The following NRXN3 variants were observed in gnomAD, a reference collection of about 807,000 sequenced individuals.
The protein encoded by NRXN3 is neurexin 3, also known as neurexin III.
A neutral mutation model predicts 137.6 loss-of-function variants in NRXN3; 32 were observed. That is an observed-to-expected ratio of 0.23 (90% CI 0.18 to 0.31). The LOEUF is 0.31. NRXN3 is among the 10% of genes least tolerant of loss of function. The pLI is 1.00. For synonymous variants in NRXN3, 798 were observed against 784.5 expected, an observed-to-expected ratio of 1.02 and a Z score of -0.29; for missense variants, 1,574 against 2,062.5, an observed-to-expected ratio of 0.76 and a Z score of 4.59.
chr14:79,106,706 A>C (rs1262286705), intron 15 of NRXN3, among the ~76,000 whole-genome samples: 1 of 152,114 alleles, frequency 6.6e-6, no homozygotes, highest in East Asian at 1.9e-4. Flanking sequence ...TATAAATTTT[A>C]CCATAATTGA....
At chr14:79,765,398 T>C (rs1292456133) in intron 19 of NRXN3, among the ~76,000 whole-genome samples, 25 of 152,220 alleles carry the variant, frequency 1.6e-4, no homozygotes, top group Admixed American at 1.6e-3. Flanking sequence ...TTCTTTTCTT[T>C]TTCTACTCTT....
At chr14:79,525,315 C>T (rs1185057122) in intron 16 of NRXN3, among the ~76,000 whole-genome samples, 1 of 152,136 alleles carries the variant, frequency 6.6e-6, no homozygotes, top group African/African-American at 2.4e-5. Flanking sequence ...ATTTATACAT[C>T]CATTTAATTA....
intron 14 of NRXN3, among the ~76,000 whole-genome samples, chr14:78,982,173 T>C (rs1394943343): frequency 6.6e-6 from 1 of 152,186 alleles, no homozygotes; most frequent in Non-Finnish European, 1.5e-5. Context: ...ATTGGTAAAT[T>C]CTAGGGATAA....
chr14:78,312,011 T>G (rs1041164534), intron 4 of NRXN3, among the ~76,000 whole-genome samples: 14 of 152,252 alleles, frequency 9.2e-5, no homozygotes, highest in African/African-American at 3.1e-4. Flanking sequence ...CAATCGGGAC[T>G]TAGAACAGAC....
intron 15 of NRXN3, among the ~76,000 whole-genome samples, chr14:79,290,949 A>G (rs962477743): frequency 1.6e-4 from 25 of 152,318 alleles, no homozygotes; most frequent in African/African-American, 6.0e-4. Context: ...CCACTTTCTG[A>G]TACATTTAAA....
intron 10 of NRXN3, among the ~76,000 whole-genome samples, chr14:78,877,862 A>G (rs2099117522): frequency 6.6e-6 from 1 of 152,176 alleles, no homozygotes. Context: ...ACTATGTTGG[A>G]TTCGAGGAAT....
At chr14:78,384,034 C>G (rs906033235) in intron 4 of NRXN3, among the ~76,000 whole-genome samples, 1 of 152,116 alleles carries the variant, frequency 6.6e-6, no homozygotes, top group East Asian at 1.9e-4. Context: ...TTCTCATATA[C>G]AGTCTATGTA....
intron 4 of NRXN3, among the ~76,000 whole-genome samples, chr14:78,470,272 G>C (rs911838464): frequency 6.6e-6 from 1 of 152,148 alleles, no homozygotes; most frequent in Non-Finnish European, 1.5e-5. Context: ...CTTGTGAAAA[G>C]GACATATTTA....
At position 79,863,145 on chromosome 14, in the gene NRXN3, G is replaced by C. The variant is rs963490639; in HGVS notation, c.*1181G>C. 2.6e-5 allele frequency: 4 copies of C among 152,358 alleles called. No homozygotes were observed. The highest frequency in any genetic ancestry group is 4.4e-5 in the Non-Finnish European group (3 of 67,992). 9.4% of individuals were successfully genotyped at this position (152,358 alleles called of 1,614,324 possible). Reference sequence around the variant, plus strand: ...GTACAAAACACATAGTTCTTTCCCCGCCCCGAATGTGACAATGGTTTTCAT... The same window carrying C: ...GTACAAAACACATAGTTCTTTCCCCCCCCCGAATGTGACAATGGTTTTCAT... On this transcript the variant is annotated 3_prime_UTR_variant, in exon 21 of 21. Transcript: ENST00000335750.
rs371198154 is a variant in NRXN3, at chr14:79,786,439, C to T, written c.4015-18673C>T. 7.9e-5 allele frequency among the ~76,000 whole-genome samples: 12 copies of T among 152,310 alleles called. No homozygotes were observed. The East Asian group carries it at 2.3e-3, about 29-fold the overall frequency. On this transcript the variant is annotated intron_variant, in intron 19 of 20. Coordinates refer to ENST00000335750, the MANE Select transcript of NRXN3 (RefSeq NM_001330195.2). ...CCTATGTGTGCCGAGCAATTGGAAG[C>T]ATATTAAAACTGTTTTATGTGTAAG...
rs138606470 is a variant in NRXN3, at chr14:79,690,066, C to T, written c.3617-2107C>T. Among the ~76,000 whole-genome samples the T allele has an allele frequency of 7.2e-3, 1,100 of 152,252 alleles. 10 individuals are homozygous for T. Among genetic ancestry groups the T allele is most frequent in the Middle Eastern group, 0.024 (7 of 294 alleles). On this transcript the variant is annotated intron_variant, in intron 17 of 20. Transcript: ENST00000335750. ...ACAGAAAACCCAAAGTAATAGAATA[C>T]ATTCAAGGCAGATCTGGCGCAAGCC...
At chr14:79,331,437 C>T (rs2091667846) in intron 15 of NRXN3, among the ~76,000 whole-genome samples, 1 of 152,134 alleles carries the variant, frequency 6.6e-6, no homozygotes, top group Non-Finnish European at 1.5e-5. Context: ...AGTTCAGAGG[C>T]CCTGACTGTT....
At chr14:78,580,536 T>G (rs553976233) in intron 4 of NRXN3, among the ~76,000 whole-genome samples, 89 of 152,298 alleles carry the variant, frequency 5.8e-4, no homozygotes, top group African/African-American at 2.1e-3. Flanking sequence ...CCTCCCTCTC[T>G]CCATCACCAT....
At chr14:79,178,096 A>T (rs1241348412) in intron 15 of NRXN3, among the ~76,000 whole-genome samples, 1 of 152,164 alleles carries the variant, frequency 6.6e-6, no homozygotes, top group Non-Finnish European at 1.5e-5. Context: ...CATAGGCATC[A>T]CTGGGTGGGC....
Position 79,079,075 on chromosome 14 carries a change from T to C in NRXN3, c.3262+90934T>C, listed in dbSNP as rs1024718391. Among the ~76,000 whole-genome samples the C allele has an allele frequency of 2.0e-5, 3 of 152,194 alleles. No individual in the cohort carries two copies. The East Asian group carries it at 5.8e-4, about 29-fold the overall frequency. Reference sequence around the variant, plus strand: ...TCTCCAGCTCCTCAGGAGGCAACTCTGCTACTGCAGAACAAAGATCATTCT... The same window carrying C: ...TCTCCAGCTCCTCAGGAGGCAACTCCGCTACTGCAGAACAAAGATCATTCT... On this transcript the variant is annotated intron_variant, in intron 15 of 20. Coordinates refer to ENST00000335750, the MANE Select transcript of NRXN3 (RefSeq NM_001330195.2).
chr14:79,785,298 C>T (rs1244307312), intron 19 of NRXN3, among the ~76,000 whole-genome samples: 1 of 152,092 alleles, frequency 6.6e-6, no homozygotes, highest in Non-Finnish European at 1.5e-5. Context: ...GGTGGGTTTC[C>T]CTGGAGCCAC....
At chr14:78,962,173 C>G (rs1401449857) in intron 11 of NRXN3, among the ~76,000 whole-genome samples, 2 of 152,150 alleles carry the variant, frequency 1.3e-5, no homozygotes, top group Non-Finnish European at 2.9e-5. Context: ...ATTAGCACAC[C>G]TGAGTTCAAT....
chr14:79,111,514 A>G (rs911578313), intron 15 of NRXN3, among the ~76,000 whole-genome samples: 3 of 152,078 alleles, frequency 2.0e-5, no homozygotes, highest in African/African-American at 7.2e-5. Flanking sequence ...CGAGGCGGGC[A>G]GATCACCTGA....
rs149016466 is a variant in NRXN3, at chr14:79,716,655, A to G, written c.4014+18718A>G. On this transcript the variant is annotated intron_variant, in intron 19 of 20. Transcript: ENST00000335750. ...ATTAGCCCCTCTGTTTAATTTTGTA[A>G]TAAAAACGCTGAACCAGAAGCTGGA... Among the ~76,000 whole-genome samples the G allele has an allele frequency of 2.4e-3, 359 of 152,156 alleles. 1 individual carries two copies. Among genetic ancestry groups the G allele is most frequent in the African/African-American group, 8.2e-3 (339 of 41,538 alleles).
Sources: gnomAD v4.1 joint callset for allele counts (sites outside exome capture counted in the v4.1 genomes callset) on GRCh38, gnomAD v4.1.1 for gene constraint, MANE v1.5 for transcripts, NCBI Gene and HGNC (gene_info 2026-07-23, HGNC 2026-07-21) for gene names.